Variants in TYW1 observed in about 807,000 individuals in gnomAD.
The protein encoded by TYW1 is S-adenosyl-L-methionine-dependent tRNA 4-demethylwyosine synthase TYW1.
In TYW1, 46 loss-of-function variants were observed where a neutral mutation model predicts 96.2. The observed-to-expected ratio is 0.48, with a 90% CI of 0.38 to 0.61. The LOEUF is 0.61. Ranked by LOEUF, TYW1 falls within the 20% of genes least tolerant of loss-of-function variation. The probability of loss-of-function intolerance (pLI) is 0.00; values close to 1 mark genes in which losing one functional copy is unlikely to be tolerated. For missense variants in TYW1, 684 were observed against 909.6 expected (o/e 0.75, Z 3.19); for synonymous variants, 274 against 323.0 (o/e 0.85, Z 1.63).
At chr7:67,165,266 A>G (rs1381690770) in intron 13 of TYW1, among the ~76,000 whole-genome samples, 2 of 152,246 alleles carry the variant, frequency 1.3e-5, no homozygotes, top group Admixed American at 6.5e-5. Context: ...AGCCTCAACT[A>G]GAGTATGTGT....
intron 1 of TYW1, among the ~76,000 whole-genome samples, chr7:66,997,449 CAACAA>C (rs1307792314): frequency 1.3e-5 from 2 of 152,128 alleles, no homozygotes; most frequent in Non-Finnish European, 1.5e-5. Flanking sequence ...GGAGCAAGCA[CAACAA>C]AACAAAATTA....
intron 15 of TYW1, among the ~76,000 whole-genome samples, chr7:67,199,207 T>A (rs559789462): frequency 1.2e-3 from 185 of 151,986 alleles, no homozygotes; most frequent in Admixed American, 3.8e-3. Flanking sequence ...AAAAAAAAAA[T>A]AAATAAATAA....
At chr7:67,160,972 A>T (rs1266124668) in intron 13 of TYW1, among the ~76,000 whole-genome samples, 1 of 152,120 alleles carries the variant, frequency 6.6e-6, no homozygotes, top group Non-Finnish European at 1.5e-5. Context: ...AACCAGCATC[A>T]TTTGTTGGAT....
chr7:67,153,925 CTTTTTT>C (rs34003922), intron 13 of TYW1, among the ~76,000 whole-genome samples: 1 of 130,312 alleles, frequency 7.7e-6, no homozygotes, highest in South Asian at 2.4e-4. Flanking sequence ...TAACGACTTT[CTTTTTT>C]TTTTTTTTTT....
rs1798391003 is a variant in TYW1 at position 67,139,952 on chromosome 7, A to G, written c.1698+22334A>G. Among the ~76,000 whole-genome samples, 3 of 152,126 alleles carry G rather than the reference A, an allele frequency of 2.0e-5. No individual in the cohort carries two copies. The South Asian group carries it at 6.2e-4, about 31-fold the overall frequency. On this transcript the variant is annotated intron_variant, in intron 13 of 15. Coordinates refer to ENST00000359626, the MANE Select transcript of TYW1 (RefSeq NM_018264.4). ...TGCTGCTGATAAAGACACACCCGAG[A>G]CTGAGCAATTCACAAAACAAAGAGG...
At chr7:67,204,043 T>A (rs1023618257) in intron 15 of TYW1, among the ~76,000 whole-genome samples, 16 of 152,336 alleles carry the variant, frequency 1.1e-4, no homozygotes, top group African/African-American at 3.6e-4. Flanking sequence ...AATATTCAGG[T>A]CTTGAGTTTT....
At chr7:67,070,583 G>A (rs1796000935) in intron 10 of TYW1, among the ~76,000 whole-genome samples, 1 of 151,818 alleles carries the variant, frequency 6.6e-6, no homozygotes, top group Non-Finnish European at 1.5e-5. Flanking sequence ...CACATCTTCT[G>A]TTTGGTTCCT....
chr7:67,053,323 C>T (rs1795418918), intron 8 of TYW1, among the ~76,000 whole-genome samples: 1 of 151,738 alleles, frequency 6.6e-6, no homozygotes, highest in Admixed American at 6.6e-5. Flanking sequence ...AAGCATCAGG[C>T]ATTGCCCCCA....
intron 13 of TYW1, among the ~76,000 whole-genome samples, chr7:67,170,332 T>C (rs945665786): frequency 6.6e-6 from 1 of 152,212 alleles, no homozygotes; most frequent in Non-Finnish European, 1.5e-5. Context: ...TTGATTAACA[T>C]AGCTTTGAGT....
At chr7:67,000,187 C>T (rs1427847763) in intron 3 of TYW1, among the ~76,000 whole-genome samples, 4 of 152,252 alleles carry the variant, frequency 2.6e-5, no homozygotes, top group African/African-American at 9.6e-5. Context: ...CTGCCCGCCT[C>T]GGCCTCCTAA....
chr7:67,050,624 C>CCGT (rs1198742728), intron 8 of TYW1, among the ~76,000 whole-genome samples: 7 of 152,044 alleles, frequency 4.6e-5, no homozygotes, highest in Admixed American at 4.6e-4. Flanking sequence ...CTTCAAGGAA[C>CCGT]CGTCGGTCTG....
chr7:67,172,532 T>G (rs1283030002), intron 13 of TYW1, among the ~76,000 whole-genome samples: 1 of 151,874 alleles, frequency 6.6e-6, no homozygotes, highest in Admixed American at 6.6e-5. Flanking sequence ...GTGATTCTCC[T>G]GCCTGAGCCT....
chr7:67,135,603 AAC>A (rs1563032639), intron 13 of TYW1, among the ~76,000 whole-genome samples: 3 of 120,016 alleles, frequency 2.5e-5, no homozygotes, highest in Admixed American at 1.7e-4. Flanking sequence ...ACGTCCAGCC[AAC>A]AGTTTTTTTT....
rs775774288 is a variant in TYW1 at position 67,018,151 on chromosome 7, G to A, written c.861+8G>A. On this transcript the variant is annotated splice_region_variant and intron_variant, in intron 6 of 15. Transcript: ENST00000359626. ...CATCATAGAGACACCGAGGTATACCGCCTGTGTGTTCATCTCTCGAGGCTT... is the reference window on the plus strand; with the variant it reads ...CATCATAGAGACACCGAGGTATACCACCTGTGTGTTCATCTCTCGAGGCTT... 16 of 1,608,094 alleles carry A rather than the reference G, an allele frequency of 9.9e-6. No individual in the cohort carries two copies. The Admixed American group carries it at 1.0e-4, about 10-fold the overall frequency.
chr7:67,151,118 T>G (rs1262842806), intron 13 of TYW1, among the ~76,000 whole-genome samples: 1 of 151,960 alleles, frequency 6.6e-6, no homozygotes, highest in Non-Finnish European at 1.5e-5. Flanking sequence ...TGGCGAGATC[T>G]TGGCTCACTG....
Position 67,028,847 on chromosome 7 carries a change from A to G in TYW1, c.984+3825A>G, listed in dbSNP as rs1479384378. ...CACAGGCTTATGCATTGCAGCATAC[A>G]TAGCAAACAACTCTGTCGAATACTG... On this transcript the variant is annotated intron_variant, in intron 7 of 15. Coordinates refer to ENST00000359626, the MANE Select transcript of TYW1 (RefSeq NM_018264.4). Among the ~76,000 whole-genome samples the G allele has an allele frequency of 2.0e-5, 3 of 152,226 alleles. No homozygotes were observed. In the East Asian group the frequency reaches 5.8e-4, roughly 29 times the overall value.
intron 13 of TYW1, among the ~76,000 whole-genome samples, chr7:67,122,192 T>C (rs1413758353): frequency 6.6e-6 from 1 of 151,990 alleles, no homozygotes; most frequent in Non-Finnish European, 1.5e-5. Context: ...AAACCCATAT[T>C]TAAAAAAAGA....
chr7:67,109,422 C>CA lies in TYW1; in HGVS notation c.1563-8056dup, dbSNP rs1463345114. 2.7e-5 allele frequency among the ~76,000 whole-genome samples: 4 copies of CA among 148,398 alleles called. No homozygotes were observed. The South Asian group carries it at 6.5e-4, about 24-fold the overall frequency. On this transcript the variant is annotated intron_variant, in intron 12 of 15. Coordinates refer to ENST00000359626, the MANE Select transcript of TYW1 (RefSeq NM_018264.4). ...TCTGTGAAAACAATGAGAATACTGGCAAAAATGATCACAAGCGACTGTTTT... is the reference window on the plus strand; with the variant it reads ...TCTGTGAAAACAATGAGAATACTGGCAAAAAATGATCACAAGCGACTGTTTT...
intron 10 of TYW1, among the ~76,000 whole-genome samples, chr7:67,079,611 A>T (rs962115347): frequency 1.4e-5 from 2 of 141,972 alleles, no homozygotes; most frequent in African/African-American, 5.5e-5. Context: ...TGCTCTGATT[A>T]TTATTTTTTT....
Sources: allele counts gnomAD v4.1 joint callset (sites outside exome capture counted in the v4.1 genomes callset), GRCh38; gene constraint gnomAD v4.1.1; transcripts MANE v1.5; gene names NCBI Gene and HGNC (gene_info 2026-07-23, HGNC 2026-07-21).